The following PBRM1 variants were observed in gnomAD, a reference collection of about 807,000 sequenced individuals.
The protein encoded by PBRM1 is protein polybromo-1.
In PBRM1, 27 loss-of-function variants were observed where a neutral mutation model predicts 194.5. The ratio of observed to expected loss-of-function variants is 0.14; its 90% CI spans 0.10 to 0.19. PBRM1 has a LOEUF of 0.19. PBRM1 is among the 10% of genes least tolerant of loss of function. The pLI, the probability that PBRM1 is intolerant of heterozygous loss-of-function variation, is 1.00. For missense variants in PBRM1, 1,466 were observed against 2,077.2 expected (o/e 0.71, Z 5.72); for synonymous variants, 655 against 693.2 (o/e 0.94, Z 0.87).
At chr3:52,679,439 TA>T in intron 1 of PBRM1, 134 bp downstream of exon 2, 1 of 744,722 alleles carries the variant, frequency 1.3e-6, no homozygotes, top group East Asian at 2.6e-5. Context: ...ATAATGTTCA[TA>T]AAAGAAAAGA....
At chr3:52,665,621 T>C (rs557740533) in intron 3 of PBRM1, among the ~76,000 whole-genome samples, 44 of 152,294 alleles carry the variant, frequency 2.9e-4, no homozygotes, top group African/African-American at 9.9e-4. Flanking sequence ...GGCATTAGAT[T>C]CTCATAGGAG....
chr3:52,558,237 T>G lies in PBRM1; in HGVS notation c.4453+12A>C. On this transcript the variant is annotated intron_variant, in intron 26 of 29. Transcript: ENST00000296302. Reference sequence around the variant, plus strand: ...TAAAGTGGAAAAAAATGGTCTTAGCTCCTGTTTTTACCTGCAACAGGTGTC... The same window carrying G: ...TAAAGTGGAAAAAAATGGTCTTAGCGCCTGTTTTTACCTGCAACAGGTGTC... The G allele has an allele frequency of 6.7e-7, 1 of 1,501,426 alleles. No homozygotes were observed. Among genetic ancestry groups the G allele is most frequent in the Non-Finnish European group, 8.9e-7 (1 of 1,121,106 alleles). 93.0% of individuals were successfully genotyped at this position (1,501,426 alleles called of 1,614,324 possible). A position where few individuals can be genotyped will look rare whatever the true frequency, so the allele number is the denominator to read the frequency against.
chr3:52,609,713 A>G lies in PBRM1; in HGVS notation c.2167T>C (p.Ser723Pro). ...ATCATGACAAAGTCCTCAACCATAG[A>G]GTCAATATCTTGGTACTTGTTGGCC... The change falls in exon 16 of 30, where the codon TCT (serine) becomes CCT (proline). Residue 723 changes from serine to proline, a missense_variant. Around this residue, in one of 5 missense-constraint regions of PBRM1, gnomAD observed 687 missense variants for 946.2 expected, o/e 0.73. Transcript: ENST00000296302. This position sits in a 1 kb window ranked among gnomAD's most constrained non-coding sequence, Gnocchi z 4.1. 6.2e-7 allele frequency: 1 copy of G among 1,612,010 alleles called. No individual in the cohort carries two copies. The highest frequency in any genetic ancestry group is 8.5e-7 in the Non-Finnish European group (1 of 1,179,304).
At chr3:52,572,959 C>T (rs1038509682) in intron 22 of PBRM1, among the ~76,000 whole-genome samples, 1 of 152,180 alleles carries the variant, frequency 6.6e-6, no homozygotes, top group African/African-American at 2.4e-5. Context: ...ATTCCACAAG[C>T]TAGGCTGAAA....
chr3:52,627,219 T>G, intron 13 of PBRM1, 54 bp downstream of exon 14: 1 of 981,402 alleles, frequency 1.0e-6, no homozygotes, highest in East Asian at 2.4e-5. Flanking sequence ...TTCACTTATC[T>G]AAAACAAAAT....
At chr3:52,571,286 G>A (rs1295132016) in intron 22 of PBRM1, among the ~76,000 whole-genome samples, 2 of 144,118 alleles carry the variant, frequency 1.4e-5, no homozygotes, top group African/African-American at 5.2e-5. Flanking sequence ...TTGTGCCACT[G>A]CACTGCAGCC....
At chr3:52,683,794 G>C (rs1000394237), upstream of PBRM1, among the ~76,000 whole-genome samples, 1 of 51,084 alleles carries the variant, frequency 2.0e-5, no homozygotes, top group Admixed American at 2.4e-4. Context: ...CTCCAGGCTG[G>C]GGGACAGAGT....
At chr3:52,657,387 C>A (rs1174717526) in intron 5 of PBRM1, among the ~76,000 whole-genome samples, 1 of 152,110 alleles carries the variant, frequency 6.6e-6, no homozygotes, top group Non-Finnish European at 1.5e-5. Flanking sequence ...AAAATCATAA[C>A]CTTCTGATCA....
intron 4 of PBRM1, among the ~76,000 whole-genome samples, chr3:52,660,989 T>C (rs1252554421): frequency 6.6e-6 from 1 of 152,208 alleles, no homozygotes; most frequent in African/African-American, 2.4e-5. Flanking sequence ...CCCTCTACTA[T>C]TCTTTTTTCT....
intron 22 of PBRM1, among the ~76,000 whole-genome samples, chr3:52,571,243 A>C (rs2087040546): frequency 6.6e-6 from 1 of 151,100 alleles, no homozygotes; most frequent in Admixed American, 6.6e-5. Flanking sequence ...GAATCGCTTG[A>C]ACCCAGGAGG....
intron 16 of PBRM1, among the ~76,000 whole-genome samples, chr3:52,604,411 A>T (rs972516093): frequency 6.6e-6 from 1 of 152,188 alleles, no homozygotes; most frequent in Non-Finnish European, 1.5e-5. Flanking sequence ...TCATTTATGA[A>T]ATAAAGCGGC....
chr3:52,581,965 G>A (rs1269971432), intron 20 of PBRM1, among the ~76,000 whole-genome samples: 2 of 152,074 alleles, frequency 1.3e-5, no homozygotes, highest in East Asian at 1.9e-4. Context: ...AGTTCCGGTC[G>A]GGAGTAGTGG....
At chr3:52,547,313 C>T (rs1297925776), downstream of PBRM1, 1 of 232,990 alleles carries the variant, frequency 4.3e-6, no homozygotes, top group Non-Finnish European at 8.5e-6. Flanking sequence ...CATAGTCTAA[C>T]TCACAGATGT....
At chr3:52,617,479 C>T (rs752670032) in exon 14 of PBRM1, 11 of 1,613,084 alleles carry the variant, frequency 6.8e-6, no homozygotes, top group East Asian at 2.2e-5. Flanking sequence ...ACCTGGCTCT[C>T]GAGCTTCAAG....
At chr3:52,590,745 G>A (rs2092947113) in intron 17 of PBRM1, among the ~76,000 whole-genome samples, 1 of 152,148 alleles carries the variant, frequency 6.6e-6, no homozygotes, top group Non-Finnish European at 1.5e-5. Context: ...TTACAAGCGT[G>A]AGCCACCGTG....
At chr3:52,571,623 T>C (rs1418100339) in intron 22 of PBRM1, among the ~76,000 whole-genome samples, 1 of 50,678 alleles carries the variant, frequency 2.0e-5, no homozygotes, top group Non-Finnish European at 3.1e-5. Context: ...CGAAACTCCA[T>C]CTCAAAAAAA....
chr3:52,596,905 A>G (rs538757741), intron 17 of PBRM1, among the ~76,000 whole-genome samples: 56 of 152,250 alleles, frequency 3.7e-4, no homozygotes, highest in African/African-American at 1.3e-3. Flanking sequence ...GGACTTGCCT[A>G]ATAGTTGTAG....
At chr3:52,579,761 T>C (rs1040076238) in intron 20 of PBRM1, among the ~76,000 whole-genome samples, 5 of 152,218 alleles carry the variant, frequency 3.3e-5, no homozygotes, top group African/African-American at 1.2e-4. Context: ...CCCAAGATGC[T>C]TTTATCCTGT....
intron 22 of PBRM1, among the ~76,000 whole-genome samples, chr3:52,567,125 T>G (rs553415552): frequency 7.2e-6 from 1 of 138,110 alleles, no homozygotes; most frequent in South Asian, 2.3e-4. Flanking sequence ...TATAAAACAA[T>G]AAAAAACTCC....
Sources: gnomAD v4.1 joint callset for allele counts (sites outside exome capture counted in the v4.1 genomes callset) on GRCh38, gnomAD v4.1.1 for gene constraint, gnomAD v4.1.1 regional missense constraint, Gnocchi (gnomAD v3.1) non-coding constraint, MANE v1.5 for transcripts, NCBI Gene and HGNC (gene_info 2026-07-23, HGNC 2026-07-21) for gene names.